Variants in GRM7 observed in about 807,000 individuals in gnomAD.
GRM7 encodes glutamate metabotropic receptor 7, also known as metabotropic glutamate receptor 7.
A neutral mutation model predicts 84.5 loss-of-function variants in GRM7; 35 were observed. The observed-to-expected ratio is 0.41, with a 90% CI of 0.32 to 0.55. The LOEUF is 0.55. GRM7 is among the 20% of genes least tolerant of loss of function. The probability of loss-of-function intolerance (pLI) is 0.19; values close to 1 mark genes in which losing one functional copy is unlikely to be tolerated. For synonymous variants in GRM7, 487 were observed against 455.1 expected (o/e 1.07, Z -0.89); for missense variants, 1,003 against 1,194.6 (o/e 0.84, Z 2.36).
chr3:7,343,830 C>T (rs1477859377), intron 4 of GRM7, among the ~76,000 whole-genome samples: 1 of 152,072 alleles, frequency 6.6e-6, no homozygotes, highest in African/African-American at 2.4e-5. Context: ...ATTGTTCTTT[C>T]ATGTGTCTAC....
At chr3:7,354,487 T>A (rs187661466) in intron 4 of GRM7, among the ~76,000 whole-genome samples, 2 of 152,080 alleles carry the variant, frequency 1.3e-5, no homozygotes, top group African/African-American at 4.8e-5. Flanking sequence ...AGGGATGTTA[T>A]AATGGAAAAG....
At chr3:7,291,019 C>T (rs1484476081) in intron 2 of GRM7, among the ~76,000 whole-genome samples, 1 of 152,244 alleles carries the variant, frequency 6.6e-6, no homozygotes, top group African/African-American at 2.4e-5. Context: ...CACTCTGTCT[C>T]CCTCTCTCAC....
At chr3:7,096,233 C>A (rs1022622588) in intron 1 of GRM7, among the ~76,000 whole-genome samples, 1 of 152,030 alleles carries the variant, frequency 6.6e-6, no homozygotes, top group African/African-American at 2.4e-5. Context: ...CCTAGTGATG[C>A]TAACCACCTG....
intron 5 of GRM7, among the ~76,000 whole-genome samples, chr3:7,444,206 T>A (rs925074962): frequency 2.6e-5 from 4 of 152,150 alleles, no homozygotes; most frequent in African/African-American, 9.7e-5. Flanking sequence ...TAAACAGAGT[T>A]TCAGAGTGGT....
intron 1 of GRM7, among the ~76,000 whole-genome samples, chr3:7,022,632 GTTGTAAATGCA>G (rs1308151427): frequency 6.6e-6 from 1 of 152,012 alleles, no homozygotes; most frequent in Non-Finnish European, 1.5e-5. Context: ...TATTTATACT[GTTGTAAATGCA>G]TTGTAAATGC....
At chr3:7,650,507 A>T (rs1419349886) in intron 8 of GRM7, among the ~76,000 whole-genome samples, 1 of 152,168 alleles carries the variant, frequency 6.6e-6, no homozygotes, top group East Asian at 1.9e-4. Context: ...TTCAAAAGGT[A>T]AAAAAAGTGT....
At chr3:7,294,118 C>T (rs1262265496) in intron 2 of GRM7, among the ~76,000 whole-genome samples, 5 of 152,110 alleles carry the variant, frequency 3.3e-5, no homozygotes, top group Admixed American at 6.6e-5. Flanking sequence ...AGGGGATGAG[C>T]GTCTCAATTC....
intron 4 of GRM7, among the ~76,000 whole-genome samples, chr3:7,387,616 G>A (rs562909210): frequency 4.6e-5 from 7 of 151,874 alleles, no homozygotes; most frequent in Non-Finnish European, 5.9e-5. Context: ...GCTTTATTTC[G>A]GGGGTCTGTA....
chr3:7,034,369 T>C (rs1696299632), intron 1 of GRM7, among the ~76,000 whole-genome samples: 1 of 152,112 alleles, frequency 6.6e-6, no homozygotes, highest in South Asian at 2.1e-4. Context: ...GGAACAGTTT[T>C]AAACTACTGT....
At chr3:7,461,384 A>G (rs1222489132) in intron 6 of GRM7, among the ~76,000 whole-genome samples, 199 bp from the exon 7 acceptor site, 1 of 152,136 alleles carries the variant, frequency 6.6e-6, no homozygotes, top group African/African-American at 2.4e-5. Flanking sequence ...GTAGTCTTCC[A>G]CCTTCTATAA....
intron 1 of GRM7, among the ~76,000 whole-genome samples, chr3:7,103,816 T>TTCTTTCTTTCTCTCTTTC (rs1553617438): frequency 1.1e-5 from 1 of 89,058 alleles, no homozygotes; most frequent in African/African-American, 4.8e-5. Context: ...CTTTCTTTCT[T>TTCTTTCTTTCTCTCTTTC]TCTCTCTCTC....
chr3:7,252,085 A>G (rs1303184165), intron 2 of GRM7, among the ~76,000 whole-genome samples: 1 of 152,104 alleles, frequency 6.6e-6, no homozygotes, highest in Non-Finnish European at 1.5e-5. Context: ...AATATATCCA[A>G]CTTACATTCA....
At chr3:7,689,654 T>G (rs904677557) in intron 9 of GRM7, among the ~76,000 whole-genome samples, 2 of 152,206 alleles carry the variant, frequency 1.3e-5, no homozygotes, top group African/African-American at 2.4e-5. Flanking sequence ...GGATGAATGT[T>G]TACATGGCTA....
At chr3:7,428,656 A>C (rs1696706680) in intron 5 of GRM7, among the ~76,000 whole-genome samples, 1 of 152,182 alleles carries the variant, frequency 6.6e-6, no homozygotes, top group African/African-American at 2.4e-5. Context: ...GTCAGACATA[A>C]GGTGTCCAAT....
intron 1 of GRM7, among the ~76,000 whole-genome samples, chr3:6,964,384 C>T (rs1324815115): frequency 1.3e-5 from 2 of 152,056 alleles, no homozygotes; most frequent in Non-Finnish European, 2.9e-5. Context: ...TCTGGGGTCC[C>T]TTTTATGAGG....
chr3:7,346,713 C>T (rs1345855603), intron 4 of GRM7, among the ~76,000 whole-genome samples: 1 of 152,088 alleles, frequency 6.6e-6, no homozygotes, highest in Non-Finnish European at 1.5e-5. Context: ...AAACGTACTA[C>T]CAGTGAACTC....
intron 2 of GRM7, among the ~76,000 whole-genome samples, chr3:7,183,093 T>C (rs116653625): frequency 0.018 from 2,677 of 152,232 alleles, 30 homozygotes; most frequent in Non-Finnish European, 0.026. Context: ...TGCCCTCGTC[T>C]TGTTTCAAGA....
intron 5 of GRM7, among the ~76,000 whole-genome samples, chr3:7,431,889 G>A (rs911137380): frequency 3.3e-5 from 5 of 151,902 alleles, no homozygotes; most frequent in African/African-American, 1.2e-4. Context: ...GCATTCAAAT[G>A]CTAACTATTA....
In GRM7 at chr3:6,941,208, T is replaced by C. The variant is rs76765186; in HGVS notation, c.519+79301T>C. On this transcript the variant is annotated intron_variant, in intron 1 of 9. Transcript: ENST00000357716. ...CTTACACACATTAGTTTCCAAACTG[T>C]GTACCTCAGCAGACTGGCTAGAACC... Among the ~76,000 whole-genome samples the C allele has an allele frequency of 8.9e-3, 1,361 of 152,276 alleles. 11 individuals carry two copies. The highest frequency in any genetic ancestry group is 0.014 in the Non-Finnish European group (963 of 68,012).
Sources: allele counts gnomAD v4.1 joint callset (sites outside exome capture counted in the v4.1 genomes callset), GRCh38; gene constraint gnomAD v4.1.1; transcripts MANE v1.5; gene names NCBI Gene and HGNC (gene_info 2026-07-23, HGNC 2026-07-21).